The following IL23R variants were observed in gnomAD, a reference collection of about 807,000 sequenced individuals.
IL23R encodes interleukin-23 receptor.
Under a neutral mutation model 56.9 loss-of-function variants are expected in IL23R, and 34 were observed. That is an observed-to-expected ratio of 0.60 (90% CI 0.45 to 0.80). The LOEUF is 0.80. IL23R is among the 30% of genes least tolerant of loss of function. IL23R has a pLI of 0.00. For missense variants in IL23R, 635 were observed against 730.0 expected (o/e 0.87, Z 1.50); for synonymous variants, 230 against 249.2 (o/e 0.92, Z 0.73).
chr1:67,258,235 T>C (rs1293131271), intron 10 of IL23R, among the ~76,000 whole-genome samples: 1 of 152,166 alleles, frequency 6.6e-6, no homozygotes, highest in African/African-American at 2.4e-5. Context: ...GAAATGTGCT[T>C]AAGAAGTGGA....
intron 4 of IL23R, among the ~76,000 whole-genome samples, chr1:67,199,705 G>C (rs894864353): frequency 6.6e-6 from 1 of 151,326 alleles, no homozygotes; most frequent in Non-Finnish European, 1.5e-5. Flanking sequence ...TAATATATAC[G>C]CTCATTGTTT....
At chr1:67,143,875 T>C (rs1290893294) in intron 1 of IL23R, among the ~76,000 whole-genome samples, 3 of 152,326 alleles carry the variant, frequency 2.0e-5, no homozygotes, top group Non-Finnish European at 1.5e-5. Flanking sequence ...TGTATGTGTG[T>C]GCAGCTTGAA....
chr1:67,248,567 A>G (rs1011290414), intron 9 of IL23R, among the ~76,000 whole-genome samples: 5 of 151,974 alleles, frequency 3.3e-5, no homozygotes, highest in Admixed American at 2.6e-4. Flanking sequence ...TGCTGCTTTA[A>G]CTCAGAGGAG....
intron 9 of IL23R, among the ~76,000 whole-genome samples, chr1:67,250,170 A>C (rs1652517269): frequency 6.6e-6 from 1 of 152,166 alleles, no homozygotes; most frequent in Admixed American, 6.5e-5. Flanking sequence ...CTTGCATGTA[A>C]ATCTATTTTC....
upstream of IL23R, among the ~76,000 whole-genome samples, chr1:67,162,047 AT>A (rs1646826527): frequency 6.6e-6 from 1 of 152,132 alleles, no homozygotes; most frequent in African/African-American, 2.4e-5. Flanking sequence ...CCATGATATG[AT>A]TTGATAAAAT....
At position 67,255,882 on chromosome 1, in the gene IL23R, A is replaced by G; in HGVS notation, c.1194A>G (p.Glu398=). Residue 398 remains glutamate, a synonymous_variant, in exon 10 of 11, where the codon GAA becomes GAG. Coordinates refer to ENST00000347310, the MANE Select transcript of IL23R (RefSeq NM_144701.3). The part of the protein sequence containing the change: ...ILLLIPKWLY[E]DIPNMKNSNV... ...TGTTAATACCAAAGTGGCTTTATGAAGATATTCCTAATATGAAAAACAGCA... is the reference window on the plus strand; with the variant it reads ...TGTTAATACCAAAGTGGCTTTATGAGGATATTCCTAATATGAAAAACAGCA... 2 of 1,603,670 alleles carry G rather than the reference A, an allele frequency of 1.2e-6. No homozygotes were observed. Among genetic ancestry groups the G allele is most frequent in the Non-Finnish European group, 1.7e-6 (2 of 1,170,658 alleles).
chr1:67,217,975 C>G (rs1447135947), intron 6 of IL23R, among the ~76,000 whole-genome samples: 4 of 151,356 alleles, frequency 2.6e-5, no homozygotes, highest in African/African-American at 9.7e-5. Context: ...CTAGTTGTTG[C>G]ATAAATGCAT....
chr1:67,225,450 G>A (rs1364153710), intron 7 of IL23R, among the ~76,000 whole-genome samples: 1 of 152,030 alleles, frequency 6.6e-6, no homozygotes, highest in Non-Finnish European at 1.5e-5. Flanking sequence ...GCTAATTATG[G>A]GCTATCTAGA....
chr1:67,245,640 T>C (rs1371847631), intron 9 of IL23R, among the ~76,000 whole-genome samples: 4 of 152,226 alleles, frequency 2.6e-5, no homozygotes, highest in East Asian at 1.9e-4. Flanking sequence ...GAACCAGCCT[T>C]GCATCCCAGG....
In IL23R at chr1:67,174,708, T is replaced by C. The variant is rs74790466; in HGVS notation, c.367+5070T>C. ...TAATCTTATTCACTATTGAATGATATAACTGAAAATTCTAGGTGTCATTCT... is the reference window on the plus strand; with the variant it reads ...TAATCTTATTCACTATTGAATGATACAACTGAAAATTCTAGGTGTCATTCT... On this transcript the variant is annotated intron_variant, in intron 3 of 10. Coordinates refer to ENST00000347310, the MANE Select transcript of IL23R (RefSeq NM_144701.3). Among the ~76,000 whole-genome samples the C allele has an allele frequency of 3.4e-3, 519 of 152,276 alleles. 3 individuals carry two copies. Among genetic ancestry groups the C allele is most frequent in the African/African-American group, 0.012 (497 of 41,560 alleles).
intron 5 of IL23R, among the ~76,000 whole-genome samples, chr1:67,205,887 C>CT (rs893397897): frequency 2.7e-5 from 3 of 111,320 alleles, no homozygotes; most frequent in South Asian, 5.6e-4. Context: ...TTCTTTCTTT[C>CT]TTTCTTTCTT....
chr1:67,240,894 T>C (rs2100330833), intron 9 of IL23R, among the ~76,000 whole-genome samples: 1 of 152,168 alleles, frequency 6.6e-6, no homozygotes, highest in Admixed American at 6.5e-5. Context: ...AACAGCTGGA[T>C]AGGTTATGGA....
chr1:67,246,569 A>C (rs533022345), intron 9 of IL23R, among the ~76,000 whole-genome samples: 21 of 152,212 alleles, frequency 1.4e-4, no homozygotes, highest in African/African-American at 5.1e-4. Flanking sequence ...TTTGTTATTT[A>C]CCCAGTAGTC....
At chr1:67,165,867 G>A (rs901725248), upstream of IL23R, among the ~76,000 whole-genome samples, 6 of 152,176 alleles carry the variant, frequency 3.9e-5, no homozygotes, top group African/African-American at 1.2e-4. Flanking sequence ...GTTATAAGAT[G>A]AGTAAGTTCA....
At chr1:67,142,852 G>GC (rs1227926374) in intron 1 of IL23R, among the ~76,000 whole-genome samples, 3 of 152,200 alleles carry the variant, frequency 2.0e-5, no homozygotes, top group African/African-American at 7.2e-5. Context: ...ATAGGCATGA[G>GC]CCACTGTGTC....
intron 9 of IL23R, among the ~76,000 whole-genome samples, chr1:67,243,963 C>T (rs1652027062): frequency 6.6e-6 from 1 of 152,130 alleles, no homozygotes; most frequent in Non-Finnish European, 1.5e-5. Context: ...ACAGCCTTGC[C>T]AGCGTCTCTT....
At chr1:67,256,208 G>A (rs1652940036) in intron 10 of IL23R, among the ~76,000 whole-genome samples, 1 of 152,152 alleles carries the variant, frequency 6.6e-6, no homozygotes, top group South Asian at 2.1e-4. Context: ...CGAGTCACCT[G>A]GTGACCAAAC....
At chr1:67,200,047 T>C (rs1648497149) in intron 4 of IL23R, among the ~76,000 whole-genome samples, 1 of 151,274 alleles carries the variant, frequency 6.6e-6, no homozygotes, top group African/African-American at 2.5e-5. Context: ...TTTGTTTTTG[T>C]TTTTGTTTTT....
chr1:67,140,014 T>A (rs1274106339), intron 1 of IL23R, among the ~76,000 whole-genome samples: 1 of 152,192 alleles, frequency 6.6e-6, no homozygotes, highest in Non-Finnish European at 1.5e-5. Context: ...TGTGATGCCC[T>A]GTGCCACCGT....
Sources: allele counts gnomAD v4.1 joint callset (sites outside exome capture counted in the v4.1 genomes callset), GRCh38; gene constraint gnomAD v4.1.1; transcripts MANE v1.5; gene names NCBI Gene and HGNC (gene_info 2026-07-23, HGNC 2026-07-21).